The following PIEZO2 variants were observed in gnomAD, a reference collection of about 807,000 sequenced individuals.
PIEZO2 encodes the protein piezo-type mechanosensitive ion channel component 2.
Under a neutral mutation model 337.3 loss-of-function variants are expected in PIEZO2, and 172 were observed. The ratio of observed to expected loss-of-function variants is 0.51; its 90% CI spans 0.45 to 0.58. The LOEUF (loss-of-function observed/expected upper bound fraction) is 0.58. Ranked by LOEUF, PIEZO2 falls within the 20% of genes least tolerant of loss-of-function variation. The probability of loss-of-function intolerance (pLI) is 0.00; values close to 1 mark genes in which losing one functional copy is unlikely to be tolerated. For synonymous variants in PIEZO2, 1,251 were observed against 1,228.5 expected (o/e 1.02, Z -0.38); for missense variants, 3,028 against 3,391.3 (o/e 0.89, Z 2.66).
At chr18:10,916,256 G>C (rs754584188) in intron 3 of PIEZO2, among the ~76,000 whole-genome samples, 1 of 152,148 alleles carries the variant, frequency 6.6e-6, no homozygotes, top group Non-Finnish European at 1.5e-5. Flanking sequence ...TGCCAGGGCC[G>C]CAGGCAGCCA....
rs1426697602 is a variant in PIEZO2 at position 10,980,161 on chromosome 18, T to C, written c.161-501A>G. Among the ~76,000 whole-genome samples the C allele has an allele frequency of 6.6e-6, 1 of 152,194 alleles. No homozygotes were observed. The highest frequency in any genetic ancestry group is 1.9e-4 in the East Asian group (1 of 5,200). On this transcript the variant is annotated intron_variant, in intron 2 of 55. Coordinates refer to ENST00000674853, the MANE Select transcript of PIEZO2 (RefSeq NM_001378183.1). This position sits in a 1 kb window ranked among gnomAD's most constrained non-coding sequence, Gnocchi z 4.8. ...TATGAATTATTTTTTTTAAATGTGT[T>C]AACCAACTGAAATAGCATAGAAAAA...
rs898052161 is a variant in PIEZO2 at position 10,783,376 on chromosome 18, A to C, written c.2492+1408T>G. On this transcript the variant is annotated intron_variant, in intron 17 of 55. Transcript: ENST00000674853. The surrounding 1 kb of genome is among the most constrained non-coding windows in gnomAD (Gnocchi z 4.3). Reference sequence around the variant, plus strand: ...ACAATGTCAAAATAATGATTAAAAAAATCCTTTTTCTGATTATTGACAATT... The same window carrying C: ...ACAATGTCAAAATAATGATTAAAAACATCCTTTTTCTGATTATTGACAATT... Among the ~76,000 whole-genome samples, 1 of 152,218 alleles carries C rather than the reference A, an allele frequency of 6.6e-6. No homozygotes were observed. The highest frequency in any genetic ancestry group is 1.5e-5 in the Non-Finnish European group (1 of 68,042).
At chr18:10,705,951 A>G (rs1437377915) in intron 40 of PIEZO2, among the ~76,000 whole-genome samples, 1 of 152,184 alleles carries the variant, frequency 6.6e-6, no homozygotes, top group Non-Finnish European at 1.5e-5. Flanking sequence ...AAATGTTGAC[A>G]GTGCACACAC....
intron 2 of PIEZO2, among the ~76,000 whole-genome samples, chr18:11,010,010 G>A (rs1294411100): frequency 6.6e-6 from 1 of 152,094 alleles, no homozygotes; most frequent in Non-Finnish European, 1.5e-5. Flanking sequence ...ATGGCATTTT[G>A]TTATAACAGC....
At position 10,820,479 on chromosome 18, in the gene PIEZO2, G is replaced by C. The variant is rs73392697; in HGVS notation, c.918-13205C>G. 2.9e-3 allele frequency among the ~76,000 whole-genome samples: 445 copies of C among 151,938 alleles called. 3 individuals carry two copies. The highest frequency in any genetic ancestry group is 0.01 in the African/African-American group (422 of 41,470). ...TAAGCTCATTCAGTAGATTATTATA[G>C]CTATGGTATTTTTGTAGCTCCTCAG... On this transcript the variant is annotated intron_variant, in intron 7 of 55. Transcript: ENST00000674853.
chr18:11,074,936 T>C (rs2038479177), intron 1 of PIEZO2, among the ~76,000 whole-genome samples: 1 of 152,226 alleles, frequency 6.6e-6, no homozygotes, highest in Non-Finnish European at 1.5e-5. Context: ...TTTGGCAAGA[T>C]GTGCCCTCCC....
rs2033841228 is a variant in PIEZO2, at chr18:10,962,852, C to A, written c.286+16683G>T. Among the ~76,000 whole-genome samples, 1 of 152,106 alleles carries A rather than the reference C, an allele frequency of 6.6e-6. No individual in the cohort carries two copies. Among genetic ancestry groups the A allele is most frequent in the Admixed American group, 6.5e-5 (1 of 15,282 alleles). ...GCAATGTGAGGGATGACTTTTCCCACTGAGCTATTAGTTCTAACAGCCCTG... is the reference window on the plus strand; with the variant it reads ...GCAATGTGAGGGATGACTTTTCCCAATGAGCTATTAGTTCTAACAGCCCTG... On this transcript the variant is annotated intron_variant, in intron 3 of 55. Coordinates refer to ENST00000674853, the MANE Select transcript of PIEZO2 (RefSeq NM_001378183.1). The surrounding 1 kb of genome is among the most constrained non-coding windows in gnomAD (Gnocchi z 4.1).
chr18:11,009,312 A>T lies in PIEZO2; in HGVS notation c.161-29652T>A, dbSNP rs954288611. On this transcript the variant is annotated intron_variant, in intron 2 of 55. Transcript: ENST00000674853. This position sits in a 1 kb window ranked among gnomAD's most constrained non-coding sequence, Gnocchi z 4.6. ...TGAAGCCCCTTGGGAATCTTTAAGA[A>T]TAGGATGGATGTCCAGACTCCACCC... 6.6e-6 allele frequency among the ~76,000 whole-genome samples: 1 copy of T among 152,206 alleles called. No homozygotes were observed. The highest frequency in any genetic ancestry group is 6.5e-5 in the Admixed American group (1 of 15,276).
At chr18:10,976,923 A>G (rs2034461104) in intron 3 of PIEZO2, among the ~76,000 whole-genome samples, 1 of 151,732 alleles carries the variant, frequency 6.6e-6, no homozygotes, top group Non-Finnish European at 1.5e-5. Flanking sequence ...TCTTCATGGT[A>G]CTAGTAGAGG....
intron 14 of PIEZO2, 46 bp downstream of exon 14, chr18:10,791,155 T>C: frequency 6.8e-7 from 1 of 1,477,850 alleles, no homozygotes; most frequent in South Asian, 1.3e-5. Context: ...TCTCTGTAAT[T>C]TTGCTGAGCA....
At position 11,079,642 on chromosome 18, in the gene PIEZO2, T is replaced by C. The variant is rs12455472; in HGVS notation, c.65-13420A>G. ...CAGTAAGCATTCAGTAAATATTTAC[T>C]GAAGGAATAAATTAATTCCTGCCTG... On this transcript the variant is annotated intron_variant, in intron 1 of 55. Transcript: ENST00000674853. 1.8e-3 allele frequency among the ~76,000 whole-genome samples: 278 copies of C among 152,338 alleles called. 2 individuals are homozygous for C. Among genetic ancestry groups the C allele is most frequent in the Middle Eastern group, 3.4e-3 (1 of 294 alleles).
At chr18:10,683,690 G>C (rs887621184) in intron 49 of PIEZO2, among the ~76,000 whole-genome samples, 9 of 152,164 alleles carry the variant, frequency 5.9e-5, no homozygotes, top group African/African-American at 2.2e-4. Flanking sequence ...CAAGTGTATA[G>C]ATTTGCTCTT....
intron 18 of PIEZO2, among the ~76,000 whole-genome samples, chr18:10,777,879 C>A (rs2038844128): frequency 6.6e-6 from 1 of 152,142 alleles, no homozygotes; most frequent in Admixed American, 6.5e-5. Context: ...ATTGTATTCA[C>A]ATATAGGCAC....
chr18:10,956,016 A>G (rs905008306), intron 3 of PIEZO2, among the ~76,000 whole-genome samples: 1 of 152,196 alleles, frequency 6.6e-6, no homozygotes, highest in Non-Finnish European at 1.5e-5. Context: ...GGGAGGGAGC[A>G]GTCCTCTCTC....
rs2039758470 is a variant in PIEZO2, at chr18:11,112,259, A to T, written c.64+36266T>A. Among the ~76,000 whole-genome samples, 1 of 152,206 alleles carries T rather than the reference A, an allele frequency of 6.6e-6. No homozygotes were observed. The highest frequency in any genetic ancestry group is 2.4e-5 in the African/African-American group (1 of 41,456). ...GATAACGGTGACTTTTCAAGTTCTG[A>T]ATACCAACTGAGGTTTTTTGTTTGG... On this transcript the variant is annotated intron_variant, in intron 1 of 55. Coordinates refer to ENST00000674853, the MANE Select transcript of PIEZO2 (RefSeq NM_001378183.1). The surrounding 1 kb of genome is among the most constrained non-coding windows in gnomAD (Gnocchi z 4.3).
At chr18:11,008,027 C>A (rs2145640275) in intron 2 of PIEZO2, among the ~76,000 whole-genome samples, 1 of 152,312 alleles carries the variant, frequency 6.6e-6, no homozygotes, top group East Asian at 1.9e-4. Flanking sequence ...AAGGGCACAT[C>A]TTTCTCCTCA....
intron 4 of PIEZO2, among the ~76,000 whole-genome samples, chr18:10,886,498 ACG>A (rs2042610703): frequency 6.6e-5 from 8 of 121,648 alleles, no homozygotes; most frequent in African/African-American, 1.8e-4. Flanking sequence ...ATATATATAT[ACG>A]CATATACACA....
intron 44 of PIEZO2, among the ~76,000 whole-genome samples, chr18:10,698,171 G>A (rs2035182467): frequency 6.6e-6 from 1 of 152,212 alleles, no homozygotes; most frequent in Non-Finnish European, 1.5e-5. Flanking sequence ...TAGGATGCAG[G>A]TGTTCCAGAT....
At chr18:11,139,095 G>A (rs1214969873) in intron 1 of PIEZO2, among the ~76,000 whole-genome samples, 2 of 152,182 alleles carry the variant, frequency 1.3e-5, no homozygotes, top group Non-Finnish European at 2.9e-5. Context: ...TATTTATTGA[G>A]TATTTACCGT....
Sources: gnomAD v4.1 joint callset for allele counts (sites outside exome capture counted in the v4.1 genomes callset) on GRCh38, gnomAD v4.1.1 for gene constraint, Gnocchi (gnomAD v3.1) non-coding constraint, MANE v1.5 for transcripts, NCBI Gene and HGNC (gene_info 2026-07-23, HGNC 2026-07-21) for gene names.